The following HSPA12A variants were observed in gnomAD, a reference collection of about 807,000 sequenced individuals.
HSPA12A encodes the protein heat shock protein family A (Hsp70) member 12A, also known as heat shock 70 kDa protein 12A.
In HSPA12A, 28 loss-of-function variants were observed where a neutral mutation model predicts 69.2. The ratio of observed to expected loss-of-function variants is 0.40; its 90% CI spans 0.30 to 0.55. HSPA12A has a LOEUF of 0.55. Ranked by LOEUF, HSPA12A falls within the 20% of genes least tolerant of loss-of-function variation. The pLI is 0.38. For synonymous variants in HSPA12A, 345 were observed against 370.5 expected (o/e 0.93, Z 0.79); for missense variants, 686 against 900.7 (o/e 0.76, Z 3.05).
At chr10:116,826,506 A>G (rs1589728151) in intron 2 of HSPA12A, among the ~76,000 whole-genome samples, 1 of 152,200 alleles carries the variant, frequency 6.6e-6, no homozygotes, top group African/African-American at 2.4e-5. Context: ...CGTGAGTGTC[A>G]CCGCCCCTGC....
chr10:116,793,358 C>T (rs529783855), intron 2 of HSPA12A, among the ~76,000 whole-genome samples: 2 of 152,072 alleles, frequency 1.3e-5, no homozygotes, highest in African/African-American at 2.4e-5. Flanking sequence ...ATGTCTTGAG[C>T]CCAGGAATTT....
chr10:116,807,215 G>C (rs555660827), intron 2 of HSPA12A, among the ~76,000 whole-genome samples: 2 of 152,166 alleles, frequency 1.3e-5, no homozygotes, highest in East Asian at 3.9e-4. Flanking sequence ...GCAGGGCCTA[G>C]AGGGAGGGAG....
At chr10:116,778,925 C>A (rs1844401890) in intron 2 of HSPA12A, among the ~76,000 whole-genome samples, 1 of 152,076 alleles carries the variant, frequency 6.6e-6, no homozygotes, top group Non-Finnish European at 1.5e-5. Context: ...ATGGAACGAC[C>A]CTGTCTCAAA....
intron 1 of HSPA12A, among the ~76,000 whole-genome samples, chr10:116,718,970 G>A (rs1029598951): frequency 2.0e-5 from 3 of 152,016 alleles, no homozygotes; most frequent in Non-Finnish European, 2.9e-5. Context: ...GCTACATGCC[G>A]GGTGTTGTAG....
At chr10:116,797,051 C>A (rs1014773343) in intron 2 of HSPA12A, among the ~76,000 whole-genome samples, 2 of 152,162 alleles carry the variant, frequency 1.3e-5, no homozygotes, top group African/African-American at 4.8e-5. Context: ...GTGAACCCCA[C>A]CAGGATGTGA....
At chr10:116,709,573 A>G (rs1589649850) in intron 1 of HSPA12A, among the ~76,000 whole-genome samples, 1 of 152,354 alleles carries the variant, frequency 6.6e-6, no homozygotes, top group South Asian at 2.1e-4. Flanking sequence ...CCTAGAAAAT[A>G]TGCTAAGTAA....
intron 2 of HSPA12A, among the ~76,000 whole-genome samples, chr10:116,807,959 G>C (rs1845099820): frequency 6.6e-6 from 1 of 152,146 alleles, no homozygotes; most frequent in African/African-American, 2.4e-5. Flanking sequence ...AGCACTGCTG[G>C]GCAAGTGTGT....
chr10:116,757,311 C>G (rs1462522995), intron 2 of HSPA12A, among the ~76,000 whole-genome samples: 1 of 152,170 alleles, frequency 6.6e-6, no homozygotes, highest in Admixed American at 6.5e-5. Context: ...ATGAGTCTCC[C>G]AGGGAGAAGC....
intron 2 of HSPA12A, among the ~76,000 whole-genome samples, chr10:116,805,039 G>T (rs537725042): frequency 4.7e-4 from 71 of 152,232 alleles, no homozygotes; most frequent in African/African-American, 1.7e-3. Flanking sequence ...AATGTTGGAC[G>T]GGCGCGGTGG....
At chr10:116,745,130 C>T (rs576413673), upstream of HSPA12A, among the ~76,000 whole-genome samples, 12 of 152,362 alleles carry the variant, frequency 7.9e-5, no homozygotes, top group South Asian at 1.7e-3. Context: ...ACTGCTGCCT[C>T]GCCCCCACTG....
At chr10:116,840,672 C>G (rs1329065678) in intron 1 of HSPA12A, among the ~76,000 whole-genome samples, 3 of 152,174 alleles carry the variant, frequency 2.0e-5, no homozygotes, top group Non-Finnish European at 4.4e-5. Context: ...CTGCTTTTAA[C>G]ATGTTAGAGT....
chr10:116,739,870 T>C (rs1457232038), intron 1 of HSPA12A, among the ~76,000 whole-genome samples: 4 of 152,076 alleles, frequency 2.6e-5, no homozygotes, highest in African/African-American at 9.7e-5. Flanking sequence ...GGCACGCACC[T>C]CTGCCCACTC....
At chr10:116,785,269 G>A (rs1206921857) in intron 2 of HSPA12A, among the ~76,000 whole-genome samples, 2 of 152,078 alleles carry the variant, frequency 1.3e-5, no homozygotes, top group Admixed American at 6.5e-5. Context: ...ATGAATTCTG[G>A]AACACAGGCA....
At chr10:116,755,249 G>T (rs1454606053) in intron 2 of HSPA12A, among the ~76,000 whole-genome samples, 3 of 152,040 alleles carry the variant, frequency 2.0e-5, no homozygotes. Flanking sequence ...CACTGCTCTT[G>T]GCCTATCCAT....
chr10:116,709,022 A>G (rs1251990730), intron 1 of HSPA12A, among the ~76,000 whole-genome samples: 3 of 151,942 alleles, frequency 2.0e-5, no homozygotes, highest in African/African-American at 7.3e-5. Context: ...CCATATGACC[A>G]GCAATTCCAC....
chr10:116,760,263 C>G (rs1416986268), intron 2 of HSPA12A, among the ~76,000 whole-genome samples: 2 of 152,102 alleles, frequency 1.3e-5, no homozygotes, highest in African/African-American at 4.8e-5. Context: ...CTTCAATAGC[C>G]AGACCCAGTC....
Position 116,707,207 on chromosome 10 carries a change from T to C in HSPA12A, c.119A>G (p.His40Arg). 3 of 1,603,256 alleles carry C rather than the reference T, an allele frequency of 1.9e-6. No individual in the cohort carries two copies. The highest frequency in any genetic ancestry group is 2.6e-6 in the Non-Finnish European group (3 of 1,173,672). ...DTGITPLSPS[H>R]IVNDTDSNVS... is the part of the protein sequence containing the mutation. The stretch of plus-strand genomic sequence containing the variant: ...CACACACACACTTCTTACCACAATA[T>C]GGGAGGGGGACAGAGGCGTTATTCC... The change falls in exon 2 of 12, where the codon CAT becomes CGT. Residue 40 changes from histidine (H) to arginine (R), a missense_variant. Transcript: ENST00000369209.
intron 2 of HSPA12A, among the ~76,000 whole-genome samples, chr10:116,815,311 A>G (rs1185576315): frequency 1.3e-5 from 2 of 151,456 alleles, no homozygotes; most frequent in South Asian, 2.1e-4. Context: ...TCATGCCTGC[A>G]ATCCCACACT....
At chr10:116,829,004 T>C (rs1236426381) in intron 2 of HSPA12A, 1 of 152,190 alleles carries the variant, frequency 6.6e-6, no homozygotes, top group Admixed American at 6.5e-5. Context: ...GAATGTTGCA[T>C]TTTTAAGAGA....
Sources: gnomAD v4.1 joint callset for allele counts (sites outside exome capture counted in the v4.1 genomes callset) on GRCh38, gnomAD v4.1.1 for gene constraint, MANE v1.5 for transcripts, NCBI Gene and HGNC (gene_info 2026-07-23, HGNC 2026-07-21) for gene names.